The following GALNTL6 variants were observed in gnomAD, a reference collection of about 807,000 sequenced individuals.
GALNTL6 encodes polypeptide N-acetylgalactosaminyltransferase-like 6.
Under a neutral mutation model 73.7 loss-of-function variants are expected in GALNTL6, and 46 were observed. The observed-to-expected ratio is 0.62, with a 90% confidence interval of 0.49 to 0.80. The LOEUF is 0.80. GALNTL6 is among the 30% of genes least tolerant of loss of function. The probability of loss-of-function intolerance (pLI) is 0.00; values close to 1 mark genes in which losing one functional copy is unlikely to be tolerated. For missense variants in GALNTL6, 604 were observed against 755.0 expected (o/e 0.80, Z 2.34); for synonymous variants, 259 against 263.7 (o/e 0.98, Z 0.17).
chr4:171,898,230 A>T (rs115385379), intron 2 of GALNTL6, among the ~76,000 whole-genome samples: 324 of 152,234 alleles, frequency 2.1e-3, no homozygotes, highest in African/African-American at 7.2e-3. Context: ...GTGCTGGAGA[A>T]GGTATGGAGG....
chr4:172,405,089 C>G (rs1744161865), intron 5 of GALNTL6, among the ~76,000 whole-genome samples: 1 of 151,830 alleles, frequency 6.6e-6, no homozygotes, highest in South Asian at 2.1e-4. Context: ...TTAAAAAGAA[C>G]TAAAAGACAT....
chr4:172,896,195 G>T (rs1453834794), intron 8 of GALNTL6, among the ~76,000 whole-genome samples: 1 of 152,148 alleles, frequency 6.6e-6, no homozygotes, highest in Non-Finnish European at 1.5e-5. Flanking sequence ...ATGGAACAAT[G>T]TCTACACATT....
At chr4:172,240,359 G>A (rs941143212) in intron 3 of GALNTL6, among the ~76,000 whole-genome samples, 4 of 151,872 alleles carry the variant, frequency 2.6e-5, no homozygotes, top group African/African-American at 9.7e-5. Flanking sequence ...AAGTAGCAGG[G>A]ACTACAGGCA....
chr4:172,592,666 GTCTGTCTATCTA>G (rs1404299105), intron 5 of GALNTL6, among the ~76,000 whole-genome samples: 11 of 109,296 alleles, frequency 1.0e-4, no homozygotes, highest in African/African-American at 3.3e-4. Flanking sequence ...CTGTCTGTCT[GTCTGTCTATCTA>G]TCTATCTATC....
chr4:172,067,308 T>G (rs1731395640), intron 2 of GALNTL6, among the ~76,000 whole-genome samples: 1 of 152,080 alleles, frequency 6.6e-6, no homozygotes, highest in African/African-American at 2.4e-5. Flanking sequence ...ACCCAAAACT[T>G]TATTCTCAGC....
intron 2 of GALNTL6, among the ~76,000 whole-genome samples, chr4:171,841,679 ATAG>A (rs1735242238): frequency 6.6e-6 from 1 of 151,950 alleles, no homozygotes; most frequent in South Asian, 2.1e-4. Context: ...TTTTGTAAAA[ATAG>A]TAGTATTTGA....
intron 2 of GALNTL6, among the ~76,000 whole-genome samples, chr4:172,166,183 G>A (rs1033237929): frequency 6.6e-6 from 1 of 152,136 alleles, no homozygotes; most frequent in Non-Finnish European, 1.5e-5. Context: ...TTTTGTCCGG[G>A]CATGGAGGCT....
intron 5 of GALNTL6, among the ~76,000 whole-genome samples, chr4:172,574,101 T>C (rs549410776): frequency 3.3e-5 from 5 of 152,320 alleles, no homozygotes; most frequent in African/African-American, 1.2e-4. Flanking sequence ...GTATTGTAAT[T>C]GTTTCCTGTT....
At chr4:172,876,539 G>C (rs1244929608) in intron 7 of GALNTL6, among the ~76,000 whole-genome samples, 1 of 152,142 alleles carries the variant, frequency 6.6e-6, no homozygotes, top group African/African-American at 2.4e-5. Context: ...ATACCCTGGG[G>C]TATGAGTGCA....
At chr4:172,288,397 A>AC (rs1554010550) in intron 3 of GALNTL6, among the ~76,000 whole-genome samples, 110 of 152,060 alleles carry the variant, frequency 7.2e-4, no homozygotes, top group African/African-American at 2.6e-3. Flanking sequence ...GGCCGAATTG[A>AC]TTTTTTTTGT....
At chr4:173,000,411 T>C (rs1447371594) in intron 10 of GALNTL6, among the ~76,000 whole-genome samples, 1 of 152,110 alleles carries the variant, frequency 6.6e-6, no homozygotes, top group Non-Finnish European at 1.5e-5. Context: ...AAATTGCATA[T>C]CTAAATAAAT....
intron 5 of GALNTL6, among the ~76,000 whole-genome samples, chr4:172,401,346 T>C (rs1183489831): frequency 6.6e-6 from 1 of 152,154 alleles, no homozygotes; most frequent in Non-Finnish European, 1.5e-5. Context: ...ATATCATTTT[T>C]TAAAACTAAT....
intron 2 of GALNTL6, among the ~76,000 whole-genome samples, chr4:171,956,011 T>TG (rs200800766): frequency 6.6e-6 from 1 of 151,476 alleles, no homozygotes; most frequent in South Asian, 2.1e-4. Flanking sequence ...TGTGTGTGTG[T>TG]GTGGGACAGG....
intron 2 of GALNTL6, among the ~76,000 whole-genome samples, chr4:172,057,233 C>T (rs1239729151): frequency 6.6e-6 from 1 of 151,988 alleles, no homozygotes; most frequent in African/African-American, 2.4e-5. Flanking sequence ...CATGGCGAAA[C>T]CCTGTATCTA....
At chr4:172,494,593 C>T (rs753100855) in intron 5 of GALNTL6, among the ~76,000 whole-genome samples, 3 of 152,136 alleles carry the variant, frequency 2.0e-5, no homozygotes, top group Non-Finnish European at 4.4e-5. Context: ...GAAGCCAGTC[C>T]GAGTCCCAAA....
At chr4:172,206,827 T>G (rs1265601860) in intron 2 of GALNTL6, among the ~76,000 whole-genome samples, 3 of 94,336 alleles carry the variant, frequency 3.2e-5, no homozygotes, top group Non-Finnish European at 4.3e-5. Flanking sequence ...TGTTTTTTTT[T>G]TTTTTTTTGA....
intron 5 of GALNTL6, among the ~76,000 whole-genome samples, chr4:172,399,437 T>C (rs4692650): frequency 0.89 from 135,997 of 152,050 alleles, 60,844 homozygotes; most frequent in African/African-American, 0.93. Context: ...AAATTGTCTT[T>C]ATTAATATTT....
chr4:172,329,788 C>T (rs1280382224), intron 4 of GALNTL6, among the ~76,000 whole-genome samples: 7 of 152,154 alleles, frequency 4.6e-5, no homozygotes, highest in Admixed American at 4.6e-4. Context: ...CTGGGAACTC[C>T]ATCTCAGAGA....
intron 5 of GALNTL6, among the ~76,000 whole-genome samples, chr4:172,516,272 C>T (rs1322576939): frequency 6.6e-6 from 1 of 152,076 alleles, no homozygotes; most frequent in African/African-American, 2.4e-5. Flanking sequence ...CCAGAATTTC[C>T]AGGGCTGATC....
Sources: gnomAD v4.1 joint callset for allele counts (sites outside exome capture counted in the v4.1 genomes callset) on GRCh38, gnomAD v4.1.1 for gene constraint, MANE v1.5 for transcripts, NCBI Gene and HGNC (gene_info 2026-07-23, HGNC 2026-07-21) for gene names.